The following RIT1 variants were observed in gnomAD, a reference collection of about 807,000 sequenced individuals.
The protein encoded by RIT1 is Ras like without CAAX 1, also known as GTP-binding protein Rit1.
RIT1 carries 6 observed loss-of-function variants against 25.6 expected under a neutral mutation model. That is an observed-to-expected ratio of 0.23 (90% CI 0.13 to 0.46). The LOEUF is 0.46. RIT1 is among the 20% of genes least tolerant of loss of function. The probability of loss-of-function intolerance (pLI) is 0.99; values close to 1 mark genes in which losing one functional copy is unlikely to be tolerated. For missense variants in RIT1, 219 were observed against 284.4 expected (o/e 0.77, Z 1.65); for synonymous variants, 81 against 94.1 (o/e 0.86, Z 0.80).
Position 155,899,640 on chromosome 1 carries a change from A to G in RIT1, c.*748T>C. ...ATGATTCCCAAAATGTCTACCTTTG[A>G]AGGTAAAAAAAAAAAGAAAACCCTG... On this transcript the variant is annotated 3_prime_UTR_variant, in exon 6 of 6. Transcript: ENST00000368323. 5.6e-6 allele frequency: 1 copy of G among 179,320 alleles called. No homozygotes were observed. The highest frequency in any genetic ancestry group is 1.2e-5 in the Non-Finnish European group (1 of 83,878). The allele number at this position is 179,320 out of a possible 1,614,324, so 11.1% of individuals were successfully genotyped here.
At chr1:155,901,349 A>G (rs911611768) in intron 5 of RIT1, among the ~76,000 whole-genome samples, 3 of 152,052 alleles carry the variant, frequency 2.0e-5, no homozygotes, top group African/African-American at 7.2e-5. Flanking sequence ...AATTTTTAAA[A>G]ATTTAGCTGG....
chr1:155,908,180 G>A (rs1441417535), intron 3 of RIT1, among the ~76,000 whole-genome samples: 4 of 142,790 alleles, frequency 2.8e-5, no homozygotes. Flanking sequence ...ACGCGGCCGG[G>A]CACGGTGGCT....
intron 3 of RIT1, among the ~76,000 whole-genome samples, chr1:155,909,389 A>C (rs1227790771): frequency 1.3e-5 from 2 of 151,714 alleles, no homozygotes; most frequent in Non-Finnish European, 2.9e-5. Flanking sequence ...AAAAAAAAAA[A>C]CAAAAAAAGA....
At position 155,901,775 on chromosome 1, in the gene RIT1, G is replaced by A. The variant is rs116008346; in HGVS notation, c.430-1157C>T. Among the ~76,000 whole-genome samples, 1,187 of 151,954 alleles carry A rather than the reference G, an allele frequency of 7.8e-3. 18 individuals are homozygous for A. The highest frequency in any genetic ancestry group is 0.027 in the African/African-American group (1,135 of 41,448). On this transcript the variant is annotated intron_variant, in intron 5 of 5. Transcript: ENST00000368323. ...CAAGGCTGCGGTAAGCCATGTTTGC[G>A]CCACTGCACTCCAGCCTCAGTGACA... is the stretch of plus-strand genomic sequence containing the variant.
Position 155,900,338 on chromosome 1 carries a change from T to TG in RIT1, c.*49dup. 7.3e-7 allele frequency: 1 copy of TG among 1,360,588 alleles called. No individual in the cohort carries two copies. Among genetic ancestry groups the TG allele is most frequent in the Non-Finnish European group, 1.0e-6 (1 of 955,068 alleles). The allele number at this position is 1,360,588 out of a possible 1,614,324, so 84.3% of individuals were successfully genotyped here. A position where few individuals can be genotyped will look rare whatever the true frequency, so the allele number is the denominator to read the frequency against. On this transcript the variant is annotated 3_prime_UTR_variant, in exon 6 of 6. Coordinates refer to ENST00000368323, the MANE Select transcript of RIT1 (RefSeq NM_006912.6). ...TACTCAGTACTGCAGGTTACTGGAC[T>TG]GCTTTGATACAGCACTGCAGTTCAC...
At chr1:155,910,387 C>A in intron 3 of RIT1, 63 bp downstream of exon 3, 1 of 1,344,888 alleles carries the variant, frequency 7.4e-7, no homozygotes. Flanking sequence ...TTAGAAACTA[C>A]TGATATTCAT....
intron 5 of RIT1, among the ~76,000 whole-genome samples, chr1:155,901,813 G>A (rs540905292): frequency 9.3e-5 from 14 of 150,882 alleles, no homozygotes; most frequent in Admixed American, 2.0e-4. Flanking sequence ...GCAAGACCCT[G>A]TCTCAAGAAA....
intron 5 of RIT1, among the ~76,000 whole-genome samples, chr1:155,903,229 G>A (rs1673351823): frequency 6.6e-6 from 1 of 151,988 alleles, no homozygotes; most frequent in African/African-American, 2.4e-5. Flanking sequence ...CTGGGAGGCA[G>A]AGCTTGCAGT....
chr1:155,899,518 G>A lies in RIT1; in HGVS notation c.*870C>T, dbSNP rs1175021488. ...GTGGGAGGAAGCAATGAATATAAATGTGTTGGTGTGTGCGTCTGTGGGGAA... is the reference window on the plus strand; with the variant it reads ...GTGGGAGGAAGCAATGAATATAAATATGTTGGTGTGTGCGTCTGTGGGGAA... On this transcript the variant is annotated 3_prime_UTR_variant, in exon 6 of 6. Coordinates refer to ENST00000368323, the MANE Select transcript of RIT1 (RefSeq NM_006912.6). The A allele has an allele frequency of 8.9e-6, 2 of 223,702 alleles. No individual in the cohort carries two copies. The highest frequency in any genetic ancestry group is 4.5e-5 in the African/African-American group (2 of 44,760). 13.9% of individuals were successfully genotyped at this position (223,702 alleles called of 1,614,324 possible).
chr1:155,907,611 C>A (rs979900765), intron 3 of RIT1, among the ~76,000 whole-genome samples: 1 of 152,186 alleles, frequency 6.6e-6, no homozygotes, highest in Non-Finnish European at 1.5e-5. Flanking sequence ...GAGTTTACAG[C>A]CAGAGCTTGA....
chr1:155,901,244 A>C (rs907241444), intron 5 of RIT1, among the ~76,000 whole-genome samples: 12 of 152,220 alleles, frequency 7.9e-5, no homozygotes, highest in Admixed American at 1.3e-4. Flanking sequence ...TCACACCTGT[A>C]ATTCCAGAAC....
intron 1 of RIT1, 78 bp downstream of exon 1, chr1:155,911,165 C>T (rs1281407779): frequency 1.2e-5 from 6 of 510,198 alleles, no homozygotes; most frequent in East Asian, 3.4e-5. Flanking sequence ...CCAGAGGTTC[C>T]GCCCCCTCCC....
chr1:155,907,086 C>T (rs1044329379), intron 3 of RIT1, among the ~76,000 whole-genome samples: 1 of 151,602 alleles, frequency 6.6e-6, no homozygotes, highest in Non-Finnish European at 1.5e-5. Flanking sequence ...CCAGCATGGG[C>T]AACAGAGTGA....
At chr1:155,910,335 A>T in intron 3 of RIT1, 115 bp downstream of exon 3, 5 of 862,778 alleles carry the variant, frequency 5.8e-6, no homozygotes, top group Non-Finnish European at 9.2e-6. Flanking sequence ...GTTTCTAAAT[A>T]AATCTGAATT....
Position 155,899,028 on chromosome 1 carries a change from T to C in RIT1, c.*1360A>G, listed in dbSNP as rs1226161969. The C allele has an allele frequency of 4.8e-6, 1 of 210,146 alleles. No homozygotes were observed. The highest frequency in any genetic ancestry group is 2.3e-5 in the African/African-American group (1 of 44,044). The allele number at this position is 210,146 out of a possible 1,614,324, so 13.0% of individuals were successfully genotyped here. A position where few individuals can be genotyped will look rare whatever the true frequency, so the allele number is the denominator to read the frequency against. ...AACATTGCTTCAGTGACACTTAATA[T>C]TCAATACATGATGCATTACTCTTAG... On this transcript the variant is annotated 3_prime_UTR_variant, in exon 6 of 6. Transcript: ENST00000368323.
In RIT1 at chr1:155,904,711, A is replaced by G. The variant is rs779345018; in HGVS notation, c.237+20T>C. The stretch of plus-strand genomic sequence containing the variant: ...CTAGAGTAAAAAAGCCTTTACTCAT[A>G]ACATTCTGGGATTTAATACCTGTCC... On this transcript the variant is annotated intron_variant, in intron 4 of 5. Transcript: ENST00000368323. The G allele has an allele frequency of 6.3e-7, 1 of 1,580,182 alleles. No individual in the cohort carries two copies. Among genetic ancestry groups the G allele is most frequent in the South Asian group, 1.1e-5 (1 of 90,394 alleles).
chr1:155,910,399 A>G, intron 3 of RIT1, 51 bp downstream of exon 3: 1 of 1,424,432 alleles, frequency 7.0e-7, no homozygotes, highest in Non-Finnish European at 9.9e-7. Context: ...GATATTCATT[A>G]AGATATTTTT....
intron 5 of RIT1, among the ~76,000 whole-genome samples, chr1:155,903,495 G>T (rs1221762379): frequency 6.6e-6 from 1 of 151,028 alleles, no homozygotes; most frequent in African/African-American, 2.4e-5. Context: ...CAAAGGGAGG[G>T]AAAGAGATAT....
At chr1:155,901,067 G>A (rs771487379) in intron 5 of RIT1, among the ~76,000 whole-genome samples, 13 of 152,140 alleles carry the variant, frequency 8.5e-5, no homozygotes, top group Admixed American at 2.0e-4. Context: ...TGCCCACCTC[G>A]GCCTCCCAAA....
Sources: gnomAD v4.1 joint callset for allele counts (sites outside exome capture counted in the v4.1 genomes callset) on GRCh38, gnomAD v4.1.1 for gene constraint, MANE v1.5 for transcripts, NCBI Gene and HGNC (gene_info 2026-07-23, HGNC 2026-07-21) for gene names.